The following PCDH11X variants were observed in gnomAD, a reference collection of about 807,000 sequenced individuals.
The protein encoded by PCDH11X is protocadherin-11 X-linked.
PCDH11X carries 18 observed loss-of-function variants against 53.3 expected under a neutral mutation model. That is an observed-to-expected ratio of 0.34 (90% CI 0.23 to 0.50). The LOEUF is 0.50. Among genes scored for constraint, PCDH11X ranks in the 20% least tolerant of loss-of-function variants. The pLI, the probability that PCDH11X is intolerant of heterozygous loss-of-function variation, is 0.98. For missense variants in PCDH11X, 570 were observed against 1,032.4 expected (o/e 0.55, Z 6.14); for synonymous variants, 279 against 393.3 (o/e 0.71, Z 3.44).
chrX:92,133,705 T>C (rs1216502809), intron 6 of PCDH11X, among the ~76,000 whole-genome samples: 3 of 112,378 alleles, frequency 2.7e-5, no homozygotes, highest in Non-Finnish European at 5.6e-5. Context: ...TATCTTAGAA[T>C]ACAAGAACAA....
chrX:92,265,307 T>C (rs1434796872), intron 8 of PCDH11X, among the ~76,000 whole-genome samples: 2 of 110,896 alleles, frequency 1.8e-5, no homozygotes, highest in East Asian at 5.8e-4. Context: ...TGTCATCTGA[T>C]TTCCTGAGAA....
chrX:92,503,475 T>TCAGC (rs1183522481), intron 10 of PCDH11X, among the ~76,000 whole-genome samples: 1 of 97,897 alleles, frequency 1.0e-5, no homozygotes, highest in African/African-American at 4.2e-5. Context: ...AGAATCAACC[T>TCAGC]AAACGCCCAT....
At chrX:92,404,263 T>A (rs2071459885) in intron 9 of PCDH11X, among the ~76,000 whole-genome samples, 1 of 104,090 alleles carries the variant, frequency 9.6e-6, no homozygotes, top group Non-Finnish European at 1.9e-5. Context: ...ATATTGTCTG[T>A]CTACTGAGAA....
chrX:92,568,288 G>A (rs1921749521), intron 10 of PCDH11X, among the ~76,000 whole-genome samples: 1 of 109,707 alleles, frequency 9.1e-6, no homozygotes, highest in African/African-American at 3.3e-5. Flanking sequence ...CCGGCGTGGT[G>A]GCGGGCGCCT....
chrX:92,508,465 C>T (rs997872398), intron 10 of PCDH11X, among the ~76,000 whole-genome samples: 1 of 110,851 alleles, frequency 9.0e-6, no homozygotes, highest in Non-Finnish European at 1.9e-5. Flanking sequence ...TCGTGATCCA[C>T]CTGCCTCAGC....
chrX:91,846,305 A>G (rs1042984171), intron 5 of PCDH11X, among the ~76,000 whole-genome samples: 1 of 111,241 alleles, frequency 9.0e-6, no homozygotes, highest in Admixed American at 9.6e-5. Context: ...AACATAAACT[A>G]TGTTCTTATG....
At chrX:92,070,953 C>T (rs1261977744) in intron 6 of PCDH11X, among the ~76,000 whole-genome samples, 1 of 98,606 alleles carries the variant, frequency 1.0e-5, no homozygotes, top group East Asian at 4.8e-4. Context: ...GCACGCGCCA[C>T]CACACGCAGC....
At chrX:91,947,237 A>T (rs1222449297) in intron 6 of PCDH11X, among the ~76,000 whole-genome samples, 3 of 109,109 alleles carry the variant, frequency 2.7e-5, no homozygotes, top group Admixed American at 2.0e-4. Flanking sequence ...TTGATATTAG[A>T]CTCCAAGAAA....
intron 9 of PCDH11X, among the ~76,000 whole-genome samples, chrX:92,418,141 A>AT (rs1430419289): frequency 9.6e-6 from 1 of 104,127 alleles, no homozygotes; most frequent in African/African-American, 3.4e-5. Context: ...TAGTTATTCT[A>AT]TTTTTTTAGT....
At chrX:92,299,488 C>T (rs1329784536) in intron 8 of PCDH11X, among the ~76,000 whole-genome samples, 1 of 110,974 alleles carries the variant, frequency 9.0e-6, no homozygotes, top group African/African-American at 3.3e-5. Context: ...AATTTTGGAC[C>T]TCATTTTGTA....
At chrX:92,317,564 T>C (rs1369983006) in intron 8 of PCDH11X, among the ~76,000 whole-genome samples, 8 of 111,789 alleles carry the variant, frequency 7.2e-5, no homozygotes, top group Non-Finnish European at 1.5e-4. Flanking sequence ...CTCAACTATT[T>C]CTCAGTTGGA....
chrX:92,523,684 T>C (rs915582569), intron 10 of PCDH11X, among the ~76,000 whole-genome samples: 1 of 111,739 alleles, frequency 8.9e-6, no homozygotes, highest in African/African-American at 3.3e-5. Flanking sequence ...TCAGGCACTG[T>C]AATGAACACT....
intron 1 of PCDH11X, among the ~76,000 whole-genome samples, chrX:91,794,175 G>A (rs1935653441): frequency 8.9e-6 from 1 of 112,059 alleles, no homozygotes; most frequent in Non-Finnish European, 1.9e-5. Flanking sequence ...ATGTTTTCTT[G>A]AAAGAAGCCT....
intron 6 of PCDH11X, among the ~76,000 whole-genome samples, chrX:92,104,337 C>T (rs894073904): frequency 1.4e-4 from 15 of 109,779 alleles, no homozygotes; most frequent in Non-Finnish European, 2.7e-4. Flanking sequence ...AAAGACTCAG[C>T]GACACTTGGG....
chrX:92,593,214 A>G (rs1465491253), intron 10 of PCDH11X, among the ~76,000 whole-genome samples: 1 of 110,946 alleles, frequency 9.0e-6, no homozygotes, highest in East Asian at 2.8e-4. Flanking sequence ...GACTTTTAAT[A>G]ATTGTTGATT....
intron 7 of PCDH11X, among the ~76,000 whole-genome samples, chrX:92,234,539 T>A (rs2067137182): frequency 8.9e-6 from 1 of 111,939 alleles, no homozygotes; most frequent in African/African-American, 3.2e-5. Context: ...GGTTTTTAAT[T>A]TTAGACTCCG....
chrX:92,610,884 T>G lies in PCDH11X; in HGVS notation c.3368-7380T>G, dbSNP rs1927295732. Reference sequence around the variant, plus strand: ...CCCCACTGCTTAATTTTGTCAACTTTGTCAAATATTAGATGGCTGTAGGTG... The same window carrying G: ...CCCCACTGCTTAATTTTGTCAACTTGGTCAAATATTAGATGGCTGTAGGTG... On this transcript the variant is annotated intron_variant, in intron 10 of 10. Coordinates refer to ENST00000682573, the MANE Select transcript of PCDH11X (RefSeq NM_032968.5). Among the ~76,000 whole-genome samples the G allele has an allele frequency of 2.7e-5, 3 of 111,623 alleles. No homozygotes were observed. In the South Asian group the frequency reaches 1.1e-3, roughly 41 times the overall value.
intron 6 of PCDH11X, among the ~76,000 whole-genome samples, chrX:92,054,572 G>A (rs1487713628): frequency 9.0e-6 from 1 of 111,361 alleles, no homozygotes; most frequent in Non-Finnish European, 1.9e-5. Flanking sequence ...TGTAATCCCA[G>A]CACTTTGGGA....
At chrX:92,526,362 C>T (rs1461030404) in intron 10 of PCDH11X, among the ~76,000 whole-genome samples, 133 of 108,549 alleles carry the variant, frequency 1.2e-3, no homozygotes, top group Non-Finnish European at 2.1e-3. Context: ...AATGGGGAGC[C>T]ATTGTTCGCA....
Sources: allele counts gnomAD v4.1 joint callset (sites outside exome capture counted in the v4.1 genomes callset), GRCh38; gene constraint gnomAD v4.1.1; transcripts MANE v1.5; gene names NCBI Gene and HGNC (gene_info 2026-07-23, HGNC 2026-07-21).